MARK4: variants seen among roughly 807,000 people sequenced by gnomAD.
MARK4 encodes the protein microtubule affinity regulating kinase 4.
Under a neutral mutation model 81.5 loss-of-function variants are expected in MARK4, and 19 were observed. The observed-to-expected ratio is 0.23, with a 90% CI of 0.16 to 0.34. The LOEUF (loss-of-function observed/expected upper bound fraction) is 0.34. Ranked by LOEUF, MARK4 falls within the 10% of genes least tolerant of loss-of-function variation. The pLI, the probability that MARK4 is intolerant of heterozygous loss-of-function variation, is 1.00. For missense variants in MARK4, 772 were observed against 1,058.8 expected (o/e 0.73, Z 3.76); for synonymous variants, 436 against 439.0 (o/e 0.99, Z 0.08).
chr19:45,294,448 A>G lies in MARK4; in HGVS notation c.1594A>G (p.Asn532Asp), dbSNP rs139967935. Reference protein sequence around the residue: ...RPSLLPNGKENSSGTPRVPPA... With the variant: ...RPSLLPNGKEDSSGTPRVPPA... ...GTCACTGTTGCCAAATGGGAAAGAAAACAGGTACGGAGGGGGCAGCAACAG... is the reference window on the plus strand; with the variant it reads ...GTCACTGTTGCCAAATGGGAAAGAAGACAGGTACGGAGGGGGCAGCAACAG... Residue 532 changes from asparagine to aspartate, a missense_variant, in exon 14 of 17, where the codon AAC becomes GAC. Asn to Asp is a conservative substitution (Grantham distance 23). This residue lies in a region of MARK4 where 548 missense variants were observed against 624.3 expected (regional missense o/e 0.88). Coordinates refer to ENST00000262891, the MANE Select transcript of MARK4 (RefSeq NM_001199867.2). 1 of 1,613,884 alleles carries G rather than the reference A, an allele frequency of 6.2e-7. No individual in the cohort carries two copies. The highest frequency in any genetic ancestry group is 8.5e-7 in the Non-Finnish European group (1 of 1,179,934).
At chr19:45,299,736 C>G in intron 15 of MARK4, 75 bp from the exon 16 acceptor site, 2 of 1,406,164 alleles carry the variant, frequency 1.4e-6, no homozygotes, top group East Asian at 2.5e-5. Flanking sequence ...TGCTTGGAGT[C>G]CCAGAGGCAG....
chr19:45,284,426 C>T (rs113693570), intron 12 of MARK4, among the ~76,000 whole-genome samples: 1 of 151,600 alleles, frequency 6.6e-6, no homozygotes, highest in African/African-American at 2.4e-5. Flanking sequence ...GGGTTCATGC[C>T]ATTCTCCTGC....
intron 8 of MARK4, among the ~76,000 whole-genome samples, chr19:45,277,309 C>T (rs936490557): frequency 6.6e-6 from 1 of 152,090 alleles, no homozygotes; most frequent in Non-Finnish European, 1.5e-5. Context: ...AACTCCTGAC[C>T]TCAGGCGATC....
At chr19:45,259,918 C>CAA (rs931123690) in intron 2 of MARK4, among the ~76,000 whole-genome samples, 4 of 152,104 alleles carry the variant, frequency 2.6e-5, no homozygotes, top group African/African-American at 9.6e-5. Flanking sequence ...GAAACCCTGT[C>CAA]TCTATTAAAA....
chr19:45,281,488 G>A (rs1338095988), intron 12 of MARK4, among the ~76,000 whole-genome samples: 4 of 151,184 alleles, frequency 2.6e-5, no homozygotes, highest in African/African-American at 9.8e-5. Context: ...AGCCTCCTGA[G>A]TAGCCGGGAT....
intron 13 of MARK4, chr19:45,288,045 T>C (rs1970769958): frequency 4.0e-6 from 1 of 251,416 alleles, no homozygotes; most frequent in African/African-American, 2.3e-5. Flanking sequence ...TCAAGAAGCA[T>C]AGCAGACGCC....
At chr19:45,278,646 C>A in intron 10 of MARK4, 31 bp downstream of exon 10, 2 of 1,537,284 alleles carry the variant, frequency 1.3e-6, no homozygotes, top group Non-Finnish European at 1.8e-6. Flanking sequence ...TCCTGTCACC[C>A]AGGATGGAGT....
intron 7 of MARK4, among the ~76,000 whole-genome samples, chr19:45,269,008 CA>C (rs1180599257): frequency 6.6e-6 from 1 of 152,088 alleles, no homozygotes; most frequent in African/African-American, 2.4e-5. Flanking sequence ...ATTAGTACAC[CA>C]GGGGTACCAA....
Position 45,272,946 on chromosome 19 carries a change from A to G in MARK4, c.786+1238A>G, listed in dbSNP as rs533275944. On this transcript the variant is annotated intron_variant, in intron 8 of 16. Coordinates refer to ENST00000262891, the MANE Select transcript of MARK4 (RefSeq NM_001199867.2). ...GATTGTGCAACTCCGTGCATATACT[A>G]AAAGCCATCGAATTGTGCACTTCGC... 2.6e-5 allele frequency among the ~76,000 whole-genome samples: 4 copies of G among 152,338 alleles called. No homozygotes were observed. In the East Asian group the frequency reaches 7.7e-4, roughly 29 times the overall value.
At chr19:45,264,780 T>A in intron 5 of MARK4, 31 bp downstream of exon 5, 1 of 1,613,188 alleles carries the variant, frequency 6.2e-7, no homozygotes, top group South Asian at 1.1e-5. Flanking sequence ...GCCCTGCCCC[T>A]GTGCCACCTC....
At chr19:45,287,999 G>A (rs566289329) in intron 13 of MARK4, 1 of 335,054 alleles carries the variant, frequency 3.0e-6, no homozygotes, top group Non-Finnish European at 5.7e-6. Flanking sequence ...GGCATTTTGG[G>A]AGGCCGAGGC....
Position 45,287,604 on chromosome 19 carries a change from C to T in MARK4, c.1434C>T (p.Ser478=), listed in dbSNP as rs746011664. 17 of 1,595,860 alleles carry T rather than the reference C, an allele frequency of 1.1e-5. No homozygotes were observed. The highest frequency in any genetic ancestry group is 4.0e-5 in the African/African-American group (3 of 74,562). Residue 478 remains serine (S), a synonymous_variant, in exon 13 of 17, where the codon AGC becomes AGT. Coordinates refer to ENST00000262891, the MANE Select transcript of MARK4 (RefSeq NM_001199867.2). Reference sequence around the variant, plus strand: ...CCCCCTCCAGCCCCATGGTCAGCAGCGCCCACAACCCCAACAAGGCAGAGA... The same window carrying T: ...CCCCCTCCAGCCCCATGGTCAGCAGTGCCCACAACCCCAACAAGGCAGAGA... ...GLPPSSPMVS[S]AHNPNKAEIP...
chr19:45,290,319 C>T (rs1238244769), intron 13 of MARK4, among the ~76,000 whole-genome samples: 3 of 152,248 alleles, frequency 2.0e-5, no homozygotes, highest in South Asian at 2.1e-4. Context: ...GGCACCCAGC[C>T]GTGGTGGCTG....
At chr19:45,257,847 G>T (rs1401082291) in intron 1 of MARK4, among the ~76,000 whole-genome samples, 1 of 150,246 alleles carries the variant, frequency 6.7e-6, no homozygotes, top group Non-Finnish European at 1.5e-5. Context: ...ATACTGCCAC[G>T]CCTGGCTAAT....
rs143988686 is a variant in MARK4 at position 45,289,718 on chromosome 19, C to T, written c.1494+2054C>T. ...CCAGGAGGCAGAAGTTGCAGTGAGCCGAGATCACGCCACTGCACTCCAGCC... is the reference window on the plus strand; with the variant it reads ...CCAGGAGGCAGAAGTTGCAGTGAGCTGAGATCACGCCACTGCACTCCAGCC... On this transcript the variant is annotated intron_variant, in intron 13 of 16. Transcript: ENST00000262891. 6.7e-3 allele frequency among the ~76,000 whole-genome samples: 1,023 copies of T among 152,036 alleles called. 14 individuals carry two copies. Among genetic ancestry groups the T allele is most frequent in the African/African-American group, 0.023 (936 of 41,474 alleles).
At chr19:45,292,699 C>T (rs574380583) in intron 13 of MARK4, among the ~76,000 whole-genome samples, 3 of 150,706 alleles carry the variant, frequency 2.0e-5, no homozygotes, top group African/African-American at 7.3e-5. Context: ...CAACATAGAC[C>T]CTGTCTCTGC....
intron 1 of MARK4, among the ~76,000 whole-genome samples, chr19:45,252,880 TCTC>T (rs981330501): frequency 1.3e-5 from 2 of 151,970 alleles, no homozygotes; most frequent in Non-Finnish European, 2.9e-5. Flanking sequence ...TTCAAGGACT[TCTC>T]CTAGAAGCCC....
intron 7 of MARK4, among the ~76,000 whole-genome samples, chr19:45,268,169 G>A (rs566922592): frequency 2.1e-4 from 32 of 152,242 alleles, no homozygotes; most frequent in Admixed American, 1.7e-3. Context: ...AGGACCAGGC[G>A]CAGTCTCACA....
At chr19:45,300,138 C>T (rs995143348) in intron 16 of MARK4, among the ~76,000 whole-genome samples, 2 of 152,158 alleles carry the variant, frequency 1.3e-5, no homozygotes, top group East Asian at 1.9e-4. Context: ...CACCTGAGGT[C>T]GGGAGTTTGA....
Sources: gnomAD v4.1 joint callset for allele counts (sites outside exome capture counted in the v4.1 genomes callset) on GRCh38, gnomAD v4.1.1 for gene constraint, gnomAD v4.1.1 regional missense constraint, MANE v1.5 for transcripts, NCBI Gene and HGNC (gene_info 2026-07-23, HGNC 2026-07-21) for gene names.